Variants in KIAA0825 observed in about 807,000 individuals in gnomAD.
KIAA0825 encodes the protein KIAA0825.
A neutral mutation model predicts 147.6 loss-of-function variants in KIAA0825; 119 were observed. The ratio of observed to expected loss-of-function variants is 0.81; its 90% CI spans 0.69 to 0.94. KIAA0825 has a LOEUF of 0.94. Ranked by LOEUF, KIAA0825 falls within the 40% of genes least tolerant of loss-of-function variation. The pLI, the probability that KIAA0825 is intolerant of heterozygous loss-of-function variation, is 0.00. For synonymous variants in KIAA0825, 470 were observed against 518.1 expected (o/e 0.91, Z 1.26); for missense variants, 1,381 against 1,472.7 (o/e 0.94, Z 1.02).
chr5:94,293,050 T>A (rs1584029278), intron 20 of KIAA0825, among the ~76,000 whole-genome samples: 2 of 150,952 alleles, frequency 1.3e-5, no homozygotes, highest in Admixed American at 6.6e-5. Context: ...TGTTAATCTT[T>A]AAAAAAAAAC....
At chr5:94,445,127 T>C (rs1049629616) in intron 13 of KIAA0825, among the ~76,000 whole-genome samples, 2 of 152,150 alleles carry the variant, frequency 1.3e-5, no homozygotes, top group African/African-American at 4.8e-5. Flanking sequence ...CCATTGACTA[T>C]TATTGGTCCC....
intron 5 of KIAA0825, among the ~76,000 whole-genome samples, chr5:94,497,875 T>C (rs1328039855): frequency 2.0e-5 from 3 of 152,242 alleles, no homozygotes; most frequent in African/African-American, 7.2e-5. Context: ...AACCACACTC[T>C]GAGCAATTGC....
chr5:94,399,123 AATAGTTGCTC>A (rs1293757664), intron 16 of KIAA0825, among the ~76,000 whole-genome samples: 2 of 152,184 alleles, frequency 1.3e-5, no homozygotes, highest in African/African-American at 4.8e-5. Flanking sequence ...ACCTGATAAA[AATAGTTGCTC>A]AATAAATGTT....
chr5:94,263,085 C>G (rs1776578457), intron 20 of KIAA0825, among the ~76,000 whole-genome samples: 1 of 152,066 alleles, frequency 6.6e-6, no homozygotes, highest in African/African-American at 2.4e-5. Context: ...AACTGTCCAG[C>G]TTTCAGGGTG....
chr5:94,406,021 G>A (rs769796743), intron 15 of KIAA0825, among the ~76,000 whole-genome samples: 25 of 152,102 alleles, frequency 1.6e-4, no homozygotes, highest in Non-Finnish European at 3.5e-4. Context: ...CCGCGTCCCA[G>A]GTTCAAGCGA....
At chr5:94,343,229 C>CT (rs1315452371) in intron 20 of KIAA0825, among the ~76,000 whole-genome samples, 1 of 152,086 alleles carries the variant, frequency 6.6e-6, no homozygotes, top group Non-Finnish European at 1.5e-5. Flanking sequence ...AGCCTTCCAC[C>CT]TTTTTTTGAA....
rs1215346407 is a variant in KIAA0825, at chr5:94,470,064, G to A, written c.1769C>T (p.Thr590Ile). 1.3e-6 allele frequency: 2 copies of A among 1,551,620 alleles called. No homozygotes were observed. The highest frequency in any genetic ancestry group is 1.2e-5 in the South Asian group (1 of 84,054). ...LVQRYQEFIN[T>I]LQFQVTNYCV... is the part of the protein sequence containing the mutation. ...GTAGTTCGTAACCTGAAACTGTAGA[G>A]TGTTGATGAATTCCTGATATCGTTG... Residue 590 changes from threonine (T) to isoleucine (I), a missense_variant, in exon 10 of 21, where the codon ACT (threonine) becomes ATT (isoleucine). Coordinates refer to ENST00000682413, the MANE Select transcript of KIAA0825 (RefSeq NM_001145678.3).
intron 12 of KIAA0825, among the ~76,000 whole-genome samples, chr5:94,456,210 T>A (rs1759086770): frequency 6.6e-6 from 1 of 152,138 alleles, no homozygotes; most frequent in Non-Finnish European, 1.5e-5. Flanking sequence ...CCCTCACACT[T>A]CTTTGATCTC....
chr5:94,462,397 C>T lies in KIAA0825; in HGVS notation c.2236G>A (p.Glu746Lys). The T allele has an allele frequency of 7.1e-7, 1 of 1,410,748 alleles. No homozygotes were observed. Among genetic ancestry groups the T allele is most frequent in the Non-Finnish European group, 9.6e-7 (1 of 1,036,976 alleles). 87.4% of individuals were successfully genotyped at this position (1,410,748 alleles called of 1,614,324 possible). A position where few individuals can be genotyped will look rare whatever the true frequency, so the allele number is the denominator to read the frequency against. Residue 746 changes from glutamate to lysine, a missense_variant, in exon 12 of 21, where the codon GAA (glutamate) becomes AAA (lysine). Physicochemically the swap from Glu to Lys is moderately conservative, Grantham distance 56. Transcript: ENST00000682413. ...ACATTTGATACTTACTTATATAATT[C>T]TGTTAATGGTGAAGTCAAAATGACT... ...TLVILTSPLT[E>K]LYKTFQHGLD... is the part of the protein sequence containing the mutation.
At chr5:94,294,528 C>G (rs1256579360) in intron 20 of KIAA0825, among the ~76,000 whole-genome samples, 3 of 152,074 alleles carry the variant, frequency 2.0e-5, no homozygotes, top group African/African-American at 7.2e-5. Context: ...GAGTTTGAGA[C>G]CAGCCTGACC....
At chr5:94,404,659 G>A (rs1751813844) in intron 15 of KIAA0825, among the ~76,000 whole-genome samples, 1 of 152,144 alleles carries the variant, frequency 6.6e-6, no homozygotes, top group Non-Finnish European at 1.5e-5. Context: ...ATAAGTGAGA[G>A]AAGCAAGGGA....
chr5:94,328,239 A>G (rs1780904128), intron 20 of KIAA0825, among the ~76,000 whole-genome samples: 1 of 152,168 alleles, frequency 6.6e-6, no homozygotes, highest in Admixed American at 6.5e-5. Context: ...TCATATATAC[A>G]GAACATAAAA....
chr5:94,449,655 C>T (rs1454912276), intron 13 of KIAA0825, among the ~76,000 whole-genome samples: 3 of 152,068 alleles, frequency 2.0e-5, no homozygotes, highest in East Asian at 1.9e-4. Context: ...GGACATATAC[C>T]GTTGGGGTAT....
At chr5:94,473,200 C>T (rs1761436808) in intron 8 of KIAA0825, 92 bp downstream of exon 8, 7 of 972,950 alleles carry the variant, frequency 7.2e-6, no homozygotes, top group Admixed American at 2.3e-5. Flanking sequence ...AGGGACTCCA[C>T]CATTTGATCT....
chr5:94,527,579 A>C (rs1427087650), intron 3 of KIAA0825, among the ~76,000 whole-genome samples: 1 of 152,000 alleles, frequency 6.6e-6, no homozygotes, highest in African/African-American at 2.4e-5. Flanking sequence ...ACAGTATGGA[A>C]AACCCAAAAT....
chr5:94,402,253 A>T (rs74902408), intron 16 of KIAA0825, among the ~76,000 whole-genome samples: 9 of 152,130 alleles, frequency 5.9e-5, no homozygotes, highest in African/African-American at 2.2e-4. Flanking sequence ...CAAAGTGCTT[A>T]GAAAAAGCAA....
At chr5:94,256,769 G>A (rs1439102252) in intron 20 of KIAA0825, among the ~76,000 whole-genome samples, 2 of 152,116 alleles carry the variant, frequency 1.3e-5, no homozygotes, top group African/African-American at 4.8e-5. Context: ...TCCTGAAAGT[G>A]TTGGCAAGTT....
chr5:94,618,169 A>G (rs1303941619), intron 1 of KIAA0825: 1 of 152,268 alleles, frequency 6.6e-6, no homozygotes, highest in Non-Finnish European at 1.5e-5. Context: ...AACGCTGCCA[A>G]TGGGAGATAG....
intron 20 of KIAA0825, among the ~76,000 whole-genome samples, chr5:94,209,717 A>AT (rs1368738626): frequency 4.6e-5 from 7 of 152,136 alleles, no homozygotes; most frequent in Admixed American, 2.0e-4. Context: ...CACATACTTG[A>AT]TTTTTTTGAC....
Sources: gnomAD v4.1 joint callset for allele counts (sites outside exome capture counted in the v4.1 genomes callset) on GRCh38, gnomAD v4.1.1 for gene constraint, MANE v1.5 for transcripts, NCBI Gene and HGNC (gene_info 2026-07-23, HGNC 2026-07-21) for gene names.